The following IL1RAPL2 variants were observed in gnomAD, a reference collection of about 807,000 sequenced individuals.
IL1RAPL2 encodes interleukin 1 receptor accessory protein like 2.
IL1RAPL2 carries 3 observed loss-of-function variants against 44.1 expected under a neutral mutation model. The ratio of observed to expected loss-of-function variants is 0.07; its 90% CI spans 0.03 to 0.18. IL1RAPL2 has a LOEUF of 0.18. Among genes scored for constraint, IL1RAPL2 ranks in the 10% least tolerant of loss-of-function variants. The pLI is 1.00. For missense variants in IL1RAPL2, 391 were observed against 496.4 expected (o/e 0.79, Z 2.02); for synonymous variants, 181 against 178.8 (o/e 1.01, Z -0.10).
rs2037668493 is a variant in IL1RAPL2, at chrX:105,655,046, TG to T, written c.773-62319del. 2.7e-5 allele frequency among the ~76,000 whole-genome samples: 3 copies of T among 112,547 alleles called. No individual in the cohort carries two copies. In the South Asian group the frequency reaches 1.1e-3, roughly 41 times the overall value. On this transcript the variant is annotated intron_variant, in intron 6 of 10. Transcript: ENST00000372582. ...GTTGAAATGGTGGAAAATCCTCTTGTGGTTCTGAGAGTGAAGATTCTTCAAT... is the reference window on the plus strand; with the variant it reads ...GTTGAAATGGTGGAAAATCCTCTTGTGTTCTGAGAGTGAAGATTCTTCAAT...
chrX:105,555,907 C>T (rs2036893262), intron 6 of IL1RAPL2, among the ~76,000 whole-genome samples: 1 of 111,816 alleles, frequency 8.9e-6, no homozygotes, highest in African/African-American at 3.3e-5. Flanking sequence ...TGCCTCAGCC[C>T]TTTGTGAACT....
chrX:104,983,457 A>AATATTAGATACATAATATTATATAAT (rs2030485474), intron 2 of IL1RAPL2, among the ~76,000 whole-genome samples: 2 of 40,869 alleles, frequency 4.9e-5, no homozygotes, highest in Non-Finnish European at 1.1e-4. Context: ...AATATTATAT[A>AATATTAGATACATAATATTATATAAT]ATATTAGATA....
At chrX:104,724,762 C>T (rs754615345) in intron 2 of IL1RAPL2, among the ~76,000 whole-genome samples, 2 of 111,566 alleles carry the variant, frequency 1.8e-5, no homozygotes, top group Admixed American at 1.9e-4. Flanking sequence ...ATTTTCCCAA[C>T]ACCATTTATT....
intron 5 of IL1RAPL2, among the ~76,000 whole-genome samples, chrX:105,429,789 T>C (rs1439351960): frequency 2.7e-5 from 3 of 111,803 alleles, no homozygotes; most frequent in East Asian, 2.8e-4. Context: ...ACATTTTATA[T>C]GCAAAAAGAA....
intron 2 of IL1RAPL2, among the ~76,000 whole-genome samples, chrX:105,154,465 G>T (rs1246021292): frequency 9.0e-6 from 1 of 111,267 alleles, no homozygotes; most frequent in Non-Finnish European, 1.9e-5. Context: ...GTCCCATTTT[G>T]TCCTCTCCTA....
At chrX:105,743,253 C>T (rs1251294830) in intron 8 of IL1RAPL2, among the ~76,000 whole-genome samples, 1 of 111,942 alleles carries the variant, frequency 8.9e-6, no homozygotes, top group Non-Finnish European at 1.9e-5. Context: ...CCTTCCCTTT[C>T]CACTAAGAAT....
At chrX:105,468,544 T>G (rs2036146109) in intron 5 of IL1RAPL2, among the ~76,000 whole-genome samples, 1 of 111,976 alleles carries the variant, frequency 8.9e-6, no homozygotes, top group African/African-American at 3.2e-5. Flanking sequence ...CTTAAATTTC[T>G]TAATAATTTT....
At chrX:105,670,105 G>GTATATATATATA (rs1171872748) in intron 6 of IL1RAPL2, among the ~76,000 whole-genome samples, 318 of 11,624 alleles carry the variant, frequency 0.027, 36 homozygotes, top group Non-Finnish European at 0.041. Context: ...TGGGTTTCCT[G>GTATATATATATA]TATATATATA....
intron 2 of IL1RAPL2, among the ~76,000 whole-genome samples, chrX:104,740,359 A>G (rs1356378726): frequency 9.0e-6 from 1 of 110,843 alleles, no homozygotes; most frequent in Non-Finnish European, 1.9e-5. Context: ...CTGGAGTTGC[A>G]TTATGATTTT....
chrX:104,719,958 A>G (rs943276535), intron 2 of IL1RAPL2, among the ~76,000 whole-genome samples: 1 of 111,279 alleles, frequency 9.0e-6, no homozygotes, highest in Non-Finnish European at 1.9e-5. Flanking sequence ...CTTTCTGCAG[A>G]TAGTCATACT....
At chrX:105,409,534 A>G (rs1356331909) in intron 5 of IL1RAPL2, among the ~76,000 whole-genome samples, 1 of 111,187 alleles carries the variant, frequency 9.0e-6, no homozygotes, top group Non-Finnish European at 1.9e-5. Context: ...TGCCACCCAG[A>G]TGAACAACAT....
intron 5 of IL1RAPL2, among the ~76,000 whole-genome samples, chrX:105,360,031 A>C (rs2035236128): frequency 9.0e-6 from 1 of 111,406 alleles, no homozygotes; most frequent in African/African-American, 3.3e-5. Flanking sequence ...CTACATTTTA[A>C]GCCTACCTCT....
At chrX:105,301,977 C>T (rs975374769) in intron 5 of IL1RAPL2, among the ~76,000 whole-genome samples, 2 of 112,189 alleles carry the variant, frequency 1.8e-5, no homozygotes, top group African/African-American at 6.5e-5. Flanking sequence ...TACATTTCCA[C>T]CAACAGTGGA....
At chrX:105,487,600 A>G (rs1279734119) in intron 6 of IL1RAPL2, among the ~76,000 whole-genome samples, 7 of 112,272 alleles carry the variant, frequency 6.2e-5, no homozygotes, top group African/African-American at 2.3e-4. Flanking sequence ...AAAATCAGTC[A>G]AACCAGATCT....
chrX:104,669,586 C>T (rs755969547), intron 2 of IL1RAPL2, among the ~76,000 whole-genome samples: 5 of 111,748 alleles, frequency 4.5e-5, no homozygotes, highest in Non-Finnish European at 9.4e-5. Context: ...AACCATATTC[C>T]TGTGCAAGTA....
At chrX:104,740,179 G>A (rs1178673626) in intron 2 of IL1RAPL2, among the ~76,000 whole-genome samples, 1 of 111,292 alleles carries the variant, frequency 9.0e-6, no homozygotes, top group South Asian at 3.8e-4. Flanking sequence ...GCTTGCAACA[G>A]TGACATGAAC....
rs181804200 is a variant in IL1RAPL2, at chrX:104,894,573, C to T, written c.82+235578C>T. 1.1e-4 allele frequency among the ~76,000 whole-genome samples: 12 copies of T among 111,954 alleles called. No homozygotes were observed. In the East Asian group the frequency reaches 1.7e-3, roughly 16 times the overall value. On this transcript the variant is annotated intron_variant, in intron 2 of 10. Transcript: ENST00000372582. ...ACTGATATCTTTTCTTCCAGTTGATCGAATCGGCTACTGAATCTTGTGCAT... is the reference window on the plus strand; with the variant it reads ...ACTGATATCTTTTCTTCCAGTTGATTGAATCGGCTACTGAATCTTGTGCAT...
chrX:105,259,043 C>T (rs1489721188), intron 4 of IL1RAPL2, among the ~76,000 whole-genome samples: 1 of 112,016 alleles, frequency 8.9e-6, no homozygotes, highest in Non-Finnish European at 1.9e-5. Context: ...GGTTCTTTCT[C>T]ATCTCTGCCT....
At chrX:105,322,797 C>T (rs894454831) in intron 5 of IL1RAPL2, among the ~76,000 whole-genome samples, 1 of 111,594 alleles carries the variant, frequency 9.0e-6, no homozygotes, top group Non-Finnish European at 1.9e-5. Context: ...AATTCTTTCA[C>T]CTTTGCAGTA....
Sources: gnomAD v4.1 joint callset for allele counts (sites outside exome capture counted in the v4.1 genomes callset) on GRCh38, gnomAD v4.1.1 for gene constraint, MANE v1.5 for transcripts, NCBI Gene and HGNC (gene_info 2026-07-23, HGNC 2026-07-21) for gene names.